Variants in ZFPM2 observed in about 807,000 individuals in gnomAD.
ZFPM2 encodes zinc finger protein, FOG family member 2, also known as zinc finger protein ZFPM2.
ZFPM2 carries 20 observed loss-of-function variants against 98.6 expected under a neutral mutation model. The ratio of observed to expected loss-of-function variants is 0.20; its 90% CI spans 0.14 to 0.29. The LOEUF (loss-of-function observed/expected upper bound fraction) is 0.29. ZFPM2 is among the 10% of genes least tolerant of loss of function. The pLI, the probability that ZFPM2 is intolerant of heterozygous loss-of-function variation, is 1.00. For synonymous variants in ZFPM2, 518 were observed against 502.7 expected, an observed-to-expected ratio of 1.03 and a Z score of -0.41; for missense variants, 1,310 against 1,388.6, an observed-to-expected ratio of 0.94 and a Z score of 0.90.
In ZFPM2 at chr8:105,380,676, TTATATATATATTATATATAACATATATAA is replaced by T. The variant is rs1563630896; in HGVS notation, c.41-38456_41-38428del. 8.3e-3 allele frequency among the ~76,000 whole-genome samples: 118 copies of T among 14,182 alleles called. 8 individuals are homozygous for T. Among genetic ancestry groups the T allele is most frequent in the Non-Finnish European group, 0.012 (103 of 8,326 alleles). The allele number at this position is 14,182 out of a possible 152,430, so 9.3% of individuals were successfully genotyped here. On this transcript the variant is annotated intron_variant, in intron 1 of 7. Transcript: ENST00000407775. ...ATATATATTATATATAACATATATA[TTATATATATATTATATATAACATATATAA>T]TATATATATATATTATATATAACAT...
intron 1 of ZFPM2, among the ~76,000 whole-genome samples, chr8:105,412,115 G>A (rs543205798): frequency 3.0e-4 from 46 of 151,752 alleles, no homozygotes; most frequent in African/African-American, 1.0e-3. Flanking sequence ...TATAAAAATG[G>A]CCAAAGACTT....
At chr8:105,355,600 G>A (rs1265488911) in intron 1 of ZFPM2, among the ~76,000 whole-genome samples, 2 of 152,090 alleles carry the variant, frequency 1.3e-5, no homozygotes, top group South Asian at 2.1e-4. Flanking sequence ...TTAAGATGCT[G>A]TTAATATTAT....
intron 3 of ZFPM2, 76 bp downstream of exon 3, chr8:105,444,457 C>G: frequency 9.3e-7 from 1 of 1,076,802 alleles, no homozygotes; most frequent in East Asian, 2.7e-5. Flanking sequence ...TCTTGAACAT[C>G]AGTTAGCTTG....
At chr8:105,472,262 A>T (rs930695711) in intron 3 of ZFPM2, among the ~76,000 whole-genome samples, 1 of 152,210 alleles carries the variant, frequency 6.6e-6, no homozygotes, top group Non-Finnish European at 1.5e-5. Context: ...ACCAAGTTAA[A>T]ACATTAAAGC....
intron 3 of ZFPM2, among the ~76,000 whole-genome samples, chr8:105,489,466 A>ATATATATATATATATTTTTTTT (rs1554610604): frequency 8.3e-6 from 1 of 119,810 alleles, no homozygotes; most frequent in African/African-American, 3.6e-5. Flanking sequence ...ATATATATAT[A>ATATATATATATATATTTTTTTT]TTTTTTTTTT....
intron 1 of ZFPM2, among the ~76,000 whole-genome samples, chr8:105,385,800 G>T (rs1810977383): frequency 6.6e-6 from 1 of 152,194 alleles, no homozygotes; most frequent in Non-Finnish European, 1.5e-5. Context: ...GAAGGACACA[G>T]TGTGCTTCCT....
intron 5 of ZFPM2, among the ~76,000 whole-genome samples, chr8:105,730,077 G>A (rs1206231747): frequency 6.6e-6 from 1 of 151,238 alleles, no homozygotes; most frequent in East Asian, 2.0e-4. Flanking sequence ...CAGTATCCCA[G>A]GTATTGTCCT....
At chr8:105,422,160 G>A (rs759978984) in intron 2 of ZFPM2, among the ~76,000 whole-genome samples, 3 of 151,338 alleles carry the variant, frequency 2.0e-5, no homozygotes, top group African/African-American at 4.9e-5. Flanking sequence ...TTTTTAGGCC[G>A]GGCGCGATGG....
chr8:105,580,829 A>C (rs547136228), intron 4 of ZFPM2, among the ~76,000 whole-genome samples: 4,427 of 133,220 alleles, frequency 0.033, 69 homozygotes, highest in Non-Finnish European at 0.052. Context: ...CTCTCTCTCT[A>C]TATATATATA....
chr8:105,547,398 C>T (rs527323218), intron 3 of ZFPM2, among the ~76,000 whole-genome samples: 6 of 151,688 alleles, frequency 4.0e-5, no homozygotes, highest in South Asian at 2.1e-4. Context: ...TGAAAATAGC[C>T]GAGCGTGGTG....
intron 5 of ZFPM2, among the ~76,000 whole-genome samples, chr8:105,648,089 A>C (rs928477348): frequency 6.6e-6 from 1 of 152,168 alleles, no homozygotes; most frequent in Admixed American, 6.5e-5. Flanking sequence ...GTGAGATGGT[A>C]TCTCATTGTG....
At position 105,695,437 on chromosome 8, in the gene ZFPM2, C is replaced by T. The variant is rs116968839; in HGVS notation, c.532+61080C>T. Among the ~76,000 whole-genome samples the T allele has an allele frequency of 2.4e-4, 24 of 98,288 alleles. No homozygotes were observed. The East Asian group carries it at 7.9e-3, about 32-fold the overall frequency. 64.5% of individuals were successfully genotyped at this position (98,288 alleles called of 152,430 possible). On this transcript the variant is annotated intron_variant, in intron 5 of 7. Coordinates refer to ENST00000407775, the MANE Select transcript of ZFPM2 (RefSeq NM_012082.4). ...CCGAAATTGTTTTGTAAACTTAGCT[C>T]ATGCTTCTTTTTGTTTAACTGATGG...
At chr8:105,446,853 A>G (rs936310885) in intron 3 of ZFPM2, among the ~76,000 whole-genome samples, 3 of 152,196 alleles carry the variant, frequency 2.0e-5, no homozygotes, top group Non-Finnish European at 4.4e-5. Context: ...AAGTTGATTC[A>G]TAACAATATC....
intron 3 of ZFPM2, among the ~76,000 whole-genome samples, chr8:105,538,386 T>C (rs992738702): frequency 6.6e-6 from 1 of 152,172 alleles, no homozygotes; most frequent in African/African-American, 2.4e-5. Flanking sequence ...GAAATATTCC[T>C]ATTCCAAAGT....
At chr8:105,769,570 A>T (rs925446399) in intron 5 of ZFPM2, among the ~76,000 whole-genome samples, 1 of 151,950 alleles carries the variant, frequency 6.6e-6, no homozygotes, top group Non-Finnish European at 1.5e-5. Context: ...TTCTCACTTT[A>T]CTATCATTTT....
intron 1 of ZFPM2, among the ~76,000 whole-genome samples, chr8:105,380,473 G>T (rs1414131656): frequency 6.8e-6 from 1 of 147,064 alleles, no homozygotes; most frequent in African/African-American, 2.5e-5. Context: ...ATTACATAAG[G>T]ACCCTAGGTG....
At chr8:105,422,400 C>G (rs1203196491) in intron 2 of ZFPM2, among the ~76,000 whole-genome samples, 1 of 152,088 alleles carries the variant, frequency 6.6e-6, no homozygotes, top group Non-Finnish European at 1.5e-5. Context: ...GAGATTGAGC[C>G]ACTGCATGCC....
Position 105,474,199 on chromosome 8 carries a change from C to T in ZFPM2, c.301+29818C>T, listed in dbSNP as rs138216580. ...CAGTCTTTGTTTCTGTCTCTCTTCG[C>T]TCTGTTTTTATATCTGAAACTCCCA... is the stretch of plus-strand genomic sequence containing the variant. On this transcript the variant is annotated intron_variant, in intron 3 of 7. Transcript: ENST00000407775. Among the ~76,000 whole-genome samples the T allele has an allele frequency of 4.5e-3, 687 of 152,244 alleles. 8 individuals are homozygous for T. The highest frequency in any genetic ancestry group is 0.015 in the African/African-American group (637 of 41,552).
At chr8:105,624,762 T>C (rs1428438860) in intron 4 of ZFPM2, among the ~76,000 whole-genome samples, 1 of 152,204 alleles carries the variant, frequency 6.6e-6, no homozygotes, top group Non-Finnish European at 1.5e-5. Context: ...GTGACTCATG[T>C]TAAGATAATA....
Sources: allele counts gnomAD v4.1 joint callset (sites outside exome capture counted in the v4.1 genomes callset), GRCh38; gene constraint gnomAD v4.1.1; transcripts MANE v1.5; gene names NCBI Gene and HGNC (gene_info 2026-07-23, HGNC 2026-07-21).